Variants in SHQ1 observed in about 807,000 individuals in gnomAD.
The protein encoded by SHQ1 is protein SHQ1 homolog.
A neutral mutation model predicts 53.8 loss-of-function variants in SHQ1; 49 were observed. That is an observed-to-expected ratio of 0.91 (90% CI 0.72 to 1.16). SHQ1 has a LOEUF of 1.16. SHQ1 is among the 50% of genes most tolerant of loss of function. The pLI is 0.00. For missense variants in SHQ1, 738 were observed against 683.1 expected (o/e 1.08, Z -0.90); for synonymous variants, 243 against 251.0 (o/e 0.97, Z 0.30).
At position 72,751,506 on chromosome 3, in the gene SHQ1, G is replaced by GACA. The variant is rs1559657416; in HGVS notation, c.1182-671_1182-670insTGT. ...TGTGTGTGTGTGTGTGTGTGTGTGT[G>GACA]TGTATATATATATATATATATATAC... On this transcript the variant is annotated intron_variant, in intron 10 of 10. Coordinates refer to ENST00000325599, the MANE Select transcript of SHQ1 (RefSeq NM_018130.3). Among the ~76,000 whole-genome samples, 28 of 117,442 alleles carry GACA rather than the reference G, an allele frequency of 2.4e-4. 2 individuals are homozygous for GACA. Among genetic ancestry groups the GACA allele is most frequent in the African/African-American group, 5.3e-4 (12 of 22,604 alleles). The allele number at this position is 117,442 out of a possible 152,430, so 77.0% of individuals were successfully genotyped here. A position where few individuals can be genotyped will look rare whatever the true frequency, so the allele number is the denominator to read the frequency against.
At position 72,848,257 on chromosome 3, in the gene SHQ1, C is replaced by A; in HGVS notation, c.84G>T (p.Glu28Asp). Residue 28 changes from glutamate (E) to aspartate (D), a missense_variant, in exon 1 of 11, where the codon GAG (glutamate) becomes GAT (aspartate). By Grantham distance (45) the Glu-to-Asp change is conservative. Transcript: ENST00000325599. ...AIRVPYARVS[E>D]FDVYFEGSDF... Reference sequence around the variant, plus strand: ...CAGACCCCTCGAAGTAGACGTCGAACTCGGAGACCCGGGCGTAGGGCACGC... The same window carrying A: ...CAGACCCCTCGAAGTAGACGTCGAAATCGGAGACCCGGGCGTAGGGCACGC... The A allele has an allele frequency of 6.2e-7, 1 of 1,614,234 alleles. No homozygotes were observed. The highest frequency in any genetic ancestry group is 8.5e-7 in the Non-Finnish European group (1 of 1,180,050).
intron 9 of SHQ1, among the ~76,000 whole-genome samples, chr3:72,798,039 A>G (rs916595096): frequency 6.6e-6 from 1 of 152,230 alleles, no homozygotes; most frequent in African/African-American, 2.4e-5. Context: ...CTCAAAGTAC[A>G]CGGTTCCTGT....
At chr3:72,797,636 T>C (rs1316508448) in intron 9 of SHQ1, among the ~76,000 whole-genome samples, 1 of 152,260 alleles carries the variant, frequency 6.6e-6, no homozygotes, top group Non-Finnish European at 1.5e-5. Context: ...AAGGGAAAGT[T>C]ACATGCTCTC....
chr3:72,766,391 C>T (rs533286492), intron 10 of SHQ1, among the ~76,000 whole-genome samples: 1 of 152,298 alleles, frequency 6.6e-6, no homozygotes, highest in South Asian at 2.1e-4. Flanking sequence ...CCTCCAAACC[C>T]TCATCTGCTG....
At chr3:72,814,268 T>A (rs1232602168) in intron 8 of SHQ1, among the ~76,000 whole-genome samples, 1 of 152,188 alleles carries the variant, frequency 6.6e-6, no homozygotes, top group Non-Finnish European at 1.5e-5. Flanking sequence ...TATTAATAAA[T>A]GCTAACACAG....
chr3:72,739,685 AG>A, the SHQ1 span, among the ~76,000 whole-genome samples: 3 of 152,370 alleles, frequency 2.0e-5, no homozygotes, highest in East Asian at 5.8e-4. Context: ...TCAGAAAACC[AG>A]GATGTGTCAG....
At chr3:72,819,432 T>C (rs978088867) in intron 6 of SHQ1, among the ~76,000 whole-genome samples, 1 of 152,210 alleles carries the variant, frequency 6.6e-6, no homozygotes, top group African/African-American at 2.4e-5. Flanking sequence ...TTTCATGTAG[T>C]CAAATATGTC....
At position 72,775,560 on chromosome 3, in the gene SHQ1, G is replaced by A. The variant is rs187083243; in HGVS notation, c.1181+17356C>T. ...CAGAGAACAGAAAAGGCAATGTTAA[G>A]TCATTTTATCAGGAAAGGACAGTAC... On this transcript the variant is annotated intron_variant, in intron 10 of 10. Transcript: ENST00000325599. Among the ~76,000 whole-genome samples the A allele has an allele frequency of 1.9e-4, 28 of 149,922 alleles. No individual in the cohort carries two copies. The East Asian group carries it at 5.1e-3, about 27-fold the overall frequency.
chr3:72,823,510 G>A (rs1707550013), intron 6 of SHQ1, among the ~76,000 whole-genome samples: 1 of 152,108 alleles, frequency 6.6e-6, no homozygotes, highest in Admixed American at 6.5e-5. Flanking sequence ...TCACCCAAAT[G>A]TCCACCAGTA....
intron 10 of SHQ1, among the ~76,000 whole-genome samples, chr3:72,769,441 A>T (rs891337652): frequency 6.6e-6 from 1 of 152,168 alleles, no homozygotes; most frequent in Non-Finnish European, 1.5e-5. Context: ...CATAGTCTGT[A>T]TATCTCAATA....
At chr3:72,740,891 G>A in the SHQ1 span, among the ~76,000 whole-genome samples, 19 of 152,202 alleles carry the variant, frequency 1.2e-4, 1 homozygote, top group South Asian at 2.7e-3. Context: ...TTCCTGAGTC[G>A]AGTTTGCAAG....
chr3:72,764,587 T>C (rs1217814912), intron 10 of SHQ1, among the ~76,000 whole-genome samples: 3 of 152,208 alleles, frequency 2.0e-5, no homozygotes, highest in African/African-American at 4.8e-5. Flanking sequence ...ATAAAGGCAA[T>C]TGACTTCAAT....
In SHQ1 at chr3:72,752,980, A is replaced by G. The variant is rs981425496; in HGVS notation, c.1182-2144T>C. On this transcript the variant is annotated intron_variant, in intron 10 of 10. Transcript: ENST00000325599. Reference sequence around the variant, plus strand: ...GACCAGCCGAAGACGCTTTTCCTCTAAATTACCTGCTAGATTTATAATATT... The same window carrying G: ...GACCAGCCGAAGACGCTTTTCCTCTGAATTACCTGCTAGATTTATAATATT... 2.8e-5 allele frequency: 28 copies of G among 985,262 alleles called. No homozygotes were observed. In the African/African-American group the frequency reaches 4.4e-4, roughly 15 times the overall value. 61.0% of individuals were successfully genotyped at this position (985,262 alleles called of 1,614,324 possible).
At chr3:72,824,169 T>A (rs939044918) in intron 6 of SHQ1, among the ~76,000 whole-genome samples, 1 of 152,166 alleles carries the variant, frequency 6.6e-6, no homozygotes, top group Non-Finnish European at 1.5e-5. Context: ...TAAAAAATAA[T>A]TAATTATAAA....
At chr3:72,758,983 C>G (rs1705557684) in intron 10 of SHQ1, among the ~76,000 whole-genome samples, 1 of 152,172 alleles carries the variant, frequency 6.6e-6, no homozygotes, top group South Asian at 2.1e-4. Flanking sequence ...CCTTGGAGTT[C>G]CTTGGCTTGT....
chr3:72,824,430 T>C lies in SHQ1; in HGVS notation c.721A>G (p.Thr241Ala). 1 of 1,611,050 alleles carries C rather than the reference T, an allele frequency of 6.2e-7. No individual in the cohort carries two copies. Among genetic ancestry groups the C allele is most frequent in the Non-Finnish European group, 8.5e-7 (1 of 1,179,600 alleles). The change falls in exon 6 of 11, where the codon ACA becomes GCA. Residue 241 changes from threonine to alanine, a missense_variant. By Grantham distance (58) the Thr-to-Ala change is moderately conservative. Transcript: ENST00000325599. ...CCGAATTTGAGTTTCTTACCTAATG[T>C]AGCATGATTTTCTTGTTCCTGACTC... is the stretch of plus-strand genomic sequence containing the variant. The part of the protein sequence containing the change: ...EKSQEQENHA[T>A]LVSFSEEEKY...
chr3:72,812,128 A>G (rs1435889988), intron 9 of SHQ1, among the ~76,000 whole-genome samples: 1 of 152,242 alleles, frequency 6.6e-6, no homozygotes, highest in African/African-American at 2.4e-5. Context: ...TAGCAAGTCA[A>G]AAGTGCTCAG....
At chr3:72,755,791 GGTA>G (rs1413888731) in intron 10 of SHQ1, among the ~76,000 whole-genome samples, 1 of 152,174 alleles carries the variant, frequency 6.6e-6, no homozygotes, top group African/African-American at 2.4e-5. Flanking sequence ...ACTTAAGGTA[GGTA>G]GTAGTTTTTC....
chr3:72,729,967 C>T, the SHQ1 span, among the ~76,000 whole-genome samples: 85 of 149,078 alleles, frequency 5.7e-4, 1 homozygote, highest in Non-Finnish European at 9.2e-4. Context: ...TACAGGCGCC[C>T]GCCACCTCAC....
Sources: gnomAD v4.1 joint callset for allele counts (sites outside exome capture counted in the v4.1 genomes callset) on GRCh38, gnomAD v4.1.1 for gene constraint, MANE v1.5 for transcripts, NCBI Gene and HGNC (gene_info 2026-07-23, HGNC 2026-07-21) for gene names.